TRIP11: variants seen among roughly 807,000 people sequenced by gnomAD.
TRIP11 encodes the protein thyroid receptor-interacting protein 11.
In TRIP11, 148 loss-of-function variants were observed where a neutral mutation model predicts 223.1. The ratio of observed to expected loss-of-function variants is 0.66; its 90% CI spans 0.58 to 0.76. TRIP11 has a LOEUF of 0.76. Among genes scored for constraint, TRIP11 ranks in the 30% least tolerant of loss-of-function variants. The probability of loss-of-function intolerance (pLI) is 0.00; values close to 1 mark genes in which losing one functional copy is unlikely to be tolerated. For missense variants in TRIP11, 2,043 were observed against 2,222.0 expected (o/e 0.92, Z 1.62); for synonymous variants, 762 against 772.6 (o/e 0.99, Z 0.23).
intron 16 of TRIP11, among the ~76,000 whole-genome samples, chr14:91,976,437 C>A (rs2056465820): frequency 6.6e-6 from 1 of 152,154 alleles, no homozygotes; most frequent in Non-Finnish European, 1.5e-5. Flanking sequence ...CTTTGTAATA[C>A]AATACTGAAA....
At chr14:92,038,162 G>C (rs1208450196) in intron 1 of TRIP11, among the ~76,000 whole-genome samples, 2 of 152,164 alleles carry the variant, frequency 1.3e-5, no homozygotes, top group African/African-American at 4.8e-5. Context: ...TACAGTTTAG[G>C]AAACTGAGAG....
rs1371903028 is a variant in TRIP11 at position 92,039,587 on chromosome 14, A to G, written c.99T>C (p.Phe33=). 1.2e-6 allele frequency: 2 copies of G among 1,613,888 alleles called. No homozygotes were observed. Among genetic ancestry groups the G allele is most frequent in the African/African-American group, 1.3e-5 (1 of 75,014 alleles). ...TGCCCTCCATCAGCATATCCTTTGT[A>G]AAGTTTGATATCTGGCCAGTGAGGG... The part of the protein sequence containing the change: ...LASLTGQISN[F]TKDMLMEGTE... Residue 33 remains phenylalanine, a synonymous_variant, in exon 1 of 21, where the codon TTT becomes TTC. Transcript: ENST00000267622.
intron 16 of TRIP11, chr14:91,977,106 C>A (rs575319173): frequency 2.4e-5 from 9 of 378,970 alleles, no homozygotes; most frequent in Non-Finnish European, 4.7e-5. Flanking sequence ...CACATCCAAA[C>A]GCTAGACTCT....
chr14:92,008,839 G>A (rs1285411388), intron 9 of TRIP11, among the ~76,000 whole-genome samples: 2 of 152,056 alleles, frequency 1.3e-5, no homozygotes, highest in African/African-American at 4.8e-5. Context: ...ATCAGCCACA[G>A]CACTCTAACC....
intron 4 of TRIP11, among the ~76,000 whole-genome samples, chr14:92,020,379 G>T (rs190058573): frequency 1.3e-5 from 2 of 151,840 alleles, no homozygotes; most frequent in African/African-American, 4.8e-5. Context: ...GACAAAAAAG[G>T]GCTCCTTGGA....
At chr14:92,015,359 T>C (rs1476572471) in intron 6 of TRIP11, among the ~76,000 whole-genome samples, 1 of 152,148 alleles carries the variant, frequency 6.6e-6, no homozygotes, top group Non-Finnish European at 1.5e-5. Flanking sequence ...ATATGTTAAA[T>C]TAATAAAACT....
chr14:91,979,233 G>T (rs2056505960), intron 16 of TRIP11, among the ~76,000 whole-genome samples: 2 of 138,252 alleles, frequency 1.4e-5, no homozygotes, highest in African/African-American at 2.8e-5. Flanking sequence ...CTCCGGCCTG[G>T]ACAACAGAGC....
intron 16 of TRIP11, among the ~76,000 whole-genome samples, chr14:91,986,355 G>A (rs2056604071): frequency 6.6e-6 from 1 of 152,206 alleles, no homozygotes; most frequent in South Asian, 2.1e-4. Context: ...TCAGACTTTG[G>A]AATATCTACA....
In TRIP11 at chr14:92,023,644, T is replaced by C. The variant is rs770275669; in HGVS notation, c.312+1666A>G. Among the ~76,000 whole-genome samples, 6 of 152,216 alleles carry C rather than the reference T, an allele frequency of 3.9e-5. No homozygotes were observed. In the South Asian group the frequency reaches 1.2e-3, roughly 32 times the overall value. ...CTCCTAGGTGGTGTAAACATGTATA[T>C]GCTTTTAAAGTGTCATAATGACACA... On this transcript the variant is annotated intron_variant, in intron 3 of 20. Transcript: ENST00000267622.
chr14:92,010,950 C>G (rs955086693), intron 9 of TRIP11, 36 bp downstream of exon 9: 1 of 1,591,620 alleles, frequency 6.3e-7, no homozygotes. Flanking sequence ...GTTACACATA[C>G]CATTTTAATT....
At chr14:92,026,645 C>T (rs1028001818) in intron 2 of TRIP11, 22 of 1,161,170 alleles carry the variant, frequency 1.9e-5, no homozygotes, top group Admixed American at 6.8e-5. Flanking sequence ...GTGGAAGAGG[C>T]GGAAAATGGA....
In TRIP11 at chr14:92,004,176, T is replaced by C. The variant is rs765559007; in HGVS notation, c.3800A>G (p.Tyr1267Cys). 39 of 1,614,214 alleles carry C rather than the reference T, an allele frequency of 2.4e-5. No homozygotes were observed. Among genetic ancestry groups the C allele is most frequent in the East Asian group, 4.5e-5 (2 of 44,882 alleles). Residue 1267 changes from tyrosine (Y) to cysteine (C), a missense_variant, in exon 11 of 21, where the codon TAT (tyrosine) becomes TGT (cysteine). Coordinates refer to ENST00000267622, the MANE Select transcript of TRIP11 (RefSeq NM_004239.4). ...SDNNSKLQVDYTGLIQSYEQN... is the reference protein window; with the variant it reads ...SDNNSKLQVDCTGLIQSYEQN... The stretch of plus-strand genomic sequence containing the variant: ...CTCATAACTTTGGATCAGGCCAGTA[T>C]AGTCCACTTGTAATTTAGAATTATT...
Position 92,039,908 on chromosome 14 carries a change from A to G in TRIP11, c.-223T>C, listed in dbSNP as rs1413002127. The G allele has an allele frequency of 1.3e-6, 1 of 798,864 alleles. No homozygotes were observed. The highest frequency in any genetic ancestry group is 1.9e-6 in the Non-Finnish European group (1 of 516,806). 49.5% of individuals were successfully genotyped at this position (798,864 alleles called of 1,614,324 possible). On this transcript the variant is annotated 5_prime_UTR_variant, in exon 1 of 21. Transcript: ENST00000267622. Reference sequence around the variant, plus strand: ...CCCGCCTCTAGTGACACAGTCACCTACGGAGGGCCTTCTGCTCATTCCCAC... The same window carrying G: ...CCCGCCTCTAGTGACACAGTCACCTGCGGAGGGCCTTCTGCTCATTCCCAC...
chr14:92,023,651 A>G (rs370603641), intron 3 of TRIP11, among the ~76,000 whole-genome samples: 2 of 152,310 alleles, frequency 1.3e-5, no homozygotes, highest in East Asian at 3.9e-4. Flanking sequence ...ATATGCTTTT[A>G]AAGTGTCATA....
At position 92,004,834 on chromosome 14, in the gene TRIP11, G is replaced by C. The variant is rs779803910; in HGVS notation, c.3142C>G (p.Gln1048Glu). Residue 1048 changes from glutamine (Q) to glutamate (E), a missense_variant, in exon 11 of 21, where the codon CAG becomes GAG. Coordinates refer to ENST00000267622, the MANE Select transcript of TRIP11 (RefSeq NM_004239.4). ...TTACCAACTTCATCTTTGGACAACT[G>C]ATCAATCTGTTTAGTTAAAGATATA... is the stretch of plus-strand genomic sequence containing the variant. ...KNISLTKQID[Q>E]LSKDEVGKLT... is the part of the protein sequence containing the mutation. The C allele has an allele frequency of 6.2e-7, 1 of 1,613,824 alleles. No individual in the cohort carries two copies. The highest frequency in any genetic ancestry group is 1.7e-5 in the Admixed American group (1 of 59,994).
chr14:92,002,199 TAGTAC>T (rs1322777773), intron 11 of TRIP11, among the ~76,000 whole-genome samples: 5 of 151,982 alleles, frequency 3.3e-5, no homozygotes, highest in South Asian at 2.1e-4. Context: ...TACTATCATA[TAGTAC>T]AGTATAGTAT....
intron 6 of TRIP11, among the ~76,000 whole-genome samples, chr14:92,015,334 T>G (rs1443079063): frequency 6.6e-6 from 1 of 152,214 alleles, no homozygotes; most frequent in Non-Finnish European, 1.5e-5. Context: ...GTCTATCATT[T>G]AGTTATGTCA....
chr14:92,000,548 A>G (rs913679704), intron 11 of TRIP11, among the ~76,000 whole-genome samples: 2 of 152,344 alleles, frequency 1.3e-5, no homozygotes, highest in African/African-American at 4.8e-5. Flanking sequence ...TATGAGACCT[A>G]TCTTTGCAAA....
At chr14:92,029,275 GTAT>G (rs1566874489) in intron 2 of TRIP11, among the ~76,000 whole-genome samples, 41 of 120,150 alleles carry the variant, frequency 3.4e-4, no homozygotes, top group African/African-American at 1.2e-3. Flanking sequence ...ATTGCCCAAA[GTAT>G]TATTTTTTTT....
Sources: gnomAD v4.1 joint callset for allele counts (sites outside exome capture counted in the v4.1 genomes callset) on GRCh38, gnomAD v4.1.1 for gene constraint, MANE v1.5 for transcripts, NCBI Gene and HGNC (gene_info 2026-07-23, HGNC 2026-07-21) for gene names.